MROH2A: variants seen among roughly 807,000 people sequenced by gnomAD.
The protein encoded by MROH2A is maestro heat-like repeat-containing protein family member 2A.
Under a neutral mutation model 200.4 loss-of-function variants are expected in MROH2A, and 174 were observed. The ratio of observed to expected loss-of-function variants is 0.87; its 90% CI spans 0.77 to 0.98. The LOEUF (loss-of-function observed/expected upper bound fraction) is 0.98, where lower values mean the gene tolerates loss of function less well. Ranked by LOEUF, MROH2A falls within the 50% of genes least tolerant of loss-of-function variation. The pLI is 0.00. For synonymous variants in MROH2A, 829 were observed against 840.4 expected (o/e 0.99, Z 0.23); for missense variants, 2,045 against 2,139.6 (o/e 0.96, Z 0.87).
chr2:233,789,195 A>G (rs1330918587), intron 3 of MROH2A, among the ~76,000 whole-genome samples: 2 of 152,142 alleles, frequency 1.3e-5, no homozygotes, highest in Non-Finnish European at 2.9e-5. Context: ...TGGGCTTTCA[A>G]GATGGCCAAT....
At chr2:233,822,756 C>G (rs1704032290) in intron 33 of MROH2A, 125 bp from the exon 34 acceptor site, 1 of 1,299,844 alleles carries the variant, frequency 7.7e-7, no homozygotes, top group Non-Finnish European at 1.1e-6. Context: ...CTCCCTGGAC[C>G]TTTCCCTCAG....
At chr2:233,803,355 A>G in intron 15 of MROH2A, 93 bp from the exon 16 acceptor site, 2 of 1,365,462 alleles carry the variant, frequency 1.5e-6, no homozygotes, top group East Asian at 5.0e-5. Context: ...TTGGGGAGGA[A>G]CCTTCTAGGG....
intron 29 of MROH2A, 33 bp downstream of exon 29, chr2:233,818,803 G>A: frequency 1.4e-6 from 2 of 1,418,300 alleles, no homozygotes; most frequent in Non-Finnish European, 1.9e-6. Context: ...GGGCTGCCAG[G>A]CTGGTCTCAG....
intron 28 of MROH2A, 81 bp downstream of exon 28, chr2:233,818,206 C>G: frequency 6.7e-7 from 1 of 1,501,854 alleles, no homozygotes; most frequent in Admixed American, 2.0e-5. Flanking sequence ...TGCGGCCTGC[C>G]CTGGAGGGAA....
rs6431634 is a variant in MROH2A, at chr2:233,794,490, T to C, written c.950T>C (p.Val317Ala). Reference protein sequence around the residue: ...LLAEYQGSLEVLFVTQVLRQI... With the variant: ...LLAEYQGSLEALFVTQVLRQI... Reference sequence around the variant, plus strand: ...GCGGAGTACCAGGGCAGTCTGGAGGTGCTCTTCGTCACGCAGGCGAGTGGC... The same window carrying C: ...GCGGAGTACCAGGGCAGTCTGGAGGCGCTCTTCGTCACGCAGGCGAGTGGC... The change falls in exon 8 of 42, where the codon GTG (valine) becomes GCG (alanine). Residue 317 changes from valine (V) to alanine (A), a missense_variant. This residue lies in a region of MROH2A where 831 missense variants were observed against 800.0 expected (regional missense o/e 1.04). Coordinates refer to ENST00000389758, the MANE Select transcript of MROH2A (RefSeq NM_001394639.1). 0.57 allele frequency: 874,586 copies of C among 1,535,666 alleles called. 251,575 individuals carry two copies. Among genetic ancestry groups the C allele is most frequent in the East Asian group, 0.75 (30,497 of 40,816 alleles).
chr2:233,828,186 T>G lies in MROH2A; in HGVS notation c.4114-444T>G, dbSNP rs1704447185. Among the ~76,000 whole-genome samples the G allele has an allele frequency of 6.6e-6, 1 of 152,200 alleles. No homozygotes were observed. The highest frequency in any genetic ancestry group is 1.5e-5 in the Non-Finnish European group (1 of 68,030). ...TTTCAAACATACTCAGGTACTTGCA[T>G]GCACACATGTACACACATGTACACA... On this transcript the variant is annotated intron_variant, in intron 35 of 41. Coordinates refer to ENST00000389758, the MANE Select transcript of MROH2A (RefSeq NM_001394639.1). The surrounding 1 kb of genome is among the most constrained non-coding windows in gnomAD (Gnocchi z 4.6).
Position 233,829,760 on chromosome 2 carries a change from C to G in MROH2A, c.4587C>G (p.Cys1529Trp). 7.2e-7 allele frequency: 1 copy of G among 1,394,532 alleles called. No individual in the cohort carries two copies. The highest frequency in any genetic ancestry group is 9.4e-7 in the Non-Finnish European group (1 of 1,068,970). The allele number at this position is 1,394,532 out of a possible 1,614,324, so 86.4% of individuals were successfully genotyped here. The stretch of plus-strand genomic sequence containing the variant: ...TCATGCTGCACTCCCAGGACCCCTG[C>G]TCCAATGCAGCCCAAGTAAGATACA... ...IPLMLHSQDP[C>W]SNAAQACMAT... Residue 1529 changes from cysteine (C) to tryptophan (W), a missense_variant, in exon 38 of 42, where the codon TGC becomes TGG. Transcript: ENST00000389758.
chr2:233,776,900 A>T (rs1191845433), upstream of MROH2A, among the ~76,000 whole-genome samples: 1 of 152,178 alleles, frequency 6.6e-6, no homozygotes, highest in Non-Finnish European at 1.5e-5. Context: ...AGAAGCCTTC[A>T]TATTCCCGCT....
intron 15 of MROH2A, 162 bp downstream of exon 15, chr2:233,802,477 C>T: frequency 1.3e-6 from 1 of 758,484 alleles, no homozygotes; most frequent in African/African-American, 1.8e-5. Context: ...GATATTAATG[C>T]CTACCTGATC....
intron 3 of MROH2A, among the ~76,000 whole-genome samples, chr2:233,782,698 C>T (rs1701004579): frequency 6.6e-6 from 1 of 151,986 alleles, no homozygotes; most frequent in Admixed American, 6.6e-5. Flanking sequence ...TTTTGTATGC[C>T]CTTTGTTTCT....
At chr2:233,786,450 C>T (rs1368877060) in intron 3 of MROH2A, among the ~76,000 whole-genome samples, 4 of 152,194 alleles carry the variant, frequency 2.6e-5, no homozygotes, top group African/African-American at 9.7e-5. Context: ...TATAAGGGCA[C>T]CAATCCCATG....
At chr2:233,788,288 T>C (rs1405731902) in intron 3 of MROH2A, among the ~76,000 whole-genome samples, 1 of 143,236 alleles carries the variant, frequency 7.0e-6, no homozygotes, top group African/African-American at 2.6e-5. Flanking sequence ...ATAATAATAA[T>C]AATAATAATA....
chr2:233,809,110 C>T lies in MROH2A; in HGVS notation c.2296-16C>T, dbSNP rs1447189905. The T allele has an allele frequency of 6.5e-7, 1 of 1,539,198 alleles. No homozygotes were observed. Among genetic ancestry groups the T allele is most frequent in the East Asian group, 2.5e-5 (1 of 40,442 alleles). Reference sequence around the variant, plus strand: ...CCTGCTGCCCCCAGTGGTTCTTTTTCTCTTTGGCCTCGTAGAAGGACCATC... The same window carrying T: ...CCTGCTGCCCCCAGTGGTTCTTTTTTTCTTTGGCCTCGTAGAAGGACCATC... On this transcript the variant is annotated splice_polypyrimidine_tract_variant and intron_variant, in intron 21 of 41. Transcript: ENST00000389758.
At chr2:233,796,082 G>A (rs889374666) in intron 10 of MROH2A, 37 bp downstream of exon 10, 7 of 1,545,324 alleles carry the variant, frequency 4.5e-6, no homozygotes, top group African/African-American at 2.7e-5. Context: ...TGCCTGCCCC[G>A]AGGCCTGCAG....
In MROH2A at chr2:233,792,847, T is replaced by C. The variant is rs1241238812; in HGVS notation, c.623T>C (p.Met208Thr). 6 of 1,550,454 alleles carry C rather than the reference T, an allele frequency of 3.9e-6. No homozygotes were observed. Among genetic ancestry groups the C allele is most frequent in the African/African-American group, 2.7e-5 (2 of 73,048 alleles). The change falls in exon 6 of 42, where the codon ATG becomes ACG. Residue 208 changes from methionine to threonine, a missense_variant. Coordinates refer to ENST00000389758, the MANE Select transcript of MROH2A (RefSeq NM_001394639.1). ...ATCACCCTGGCTACCATATTCACCATGCTGAGACTTGCCAATGAAGCCAAG... is the reference window on the plus strand; with the variant it reads ...ATCACCCTGGCTACCATATTCACCACGCTGAGACTTGCCAATGAAGCCAAG... ...MGITLATIFT[M>T]LRLANEAKIR...
intron 23 of MROH2A, among the ~76,000 whole-genome samples, chr2:233,811,166 C>T (rs532178999): frequency 1.3e-5 from 2 of 152,314 alleles, no homozygotes; most frequent in East Asian, 3.9e-4. Context: ...CTGCAGTGCC[C>T]AGGGCAGCTG....
At position 233,832,421 on chromosome 2, in the gene MROH2A, C is replaced by G; in HGVS notation, c.4837+142C>G. The G allele has an allele frequency of 3.2e-6, 3 of 945,428 alleles. No individual in the cohort carries two copies. In the South Asian group the frequency reaches 4.7e-5, roughly 15 times the overall value. 58.6% of individuals were successfully genotyped at this position (945,428 alleles called of 1,614,324 possible). A position where few individuals can be genotyped will look rare whatever the true frequency, so the allele number is the denominator to read the frequency against. Reference sequence around the variant, plus strand: ...GCTCAGGTCTAAGCCCTGCACTGTGCTTTCTATCCCGTTTTGATTTTGGCT... The same window carrying G: ...GCTCAGGTCTAAGCCCTGCACTGTGGTTTCTATCCCGTTTTGATTTTGGCT... On this transcript the variant is annotated intron_variant, in intron 40 of 41. Coordinates refer to ENST00000389758, the MANE Select transcript of MROH2A (RefSeq NM_001394639.1).
intron 22 of MROH2A, 92 bp downstream of exon 22, chr2:233,809,370 C>T (rs1703007388): frequency 7.3e-7 from 1 of 1,378,584 alleles, no homozygotes; most frequent in South Asian, 1.3e-5. Context: ...CATCCCTACC[C>T]AGGGGACATC....
At chr2:233,789,721 G>T (rs1179531893) in intron 4 of MROH2A, 93 bp downstream of exon 4, 2 of 1,451,396 alleles carry the variant, frequency 1.4e-6, no homozygotes, top group Non-Finnish European at 1.8e-6. Context: ...GCCCTGTGCA[G>T]TTACCTCTCA....
Sources: allele counts gnomAD v4.1 joint callset (sites outside exome capture counted in the v4.1 genomes callset), GRCh38; gene constraint gnomAD v4.1.1; regional missense constraint gnomAD v4.1.1; non-coding constraint Gnocchi (gnomAD v3.1); transcripts MANE v1.5; gene names NCBI Gene and HGNC (gene_info 2026-07-23, HGNC 2026-07-21).